The following SNED1 variants were observed in gnomAD, a reference collection of about 807,000 sequenced individuals.
SNED1 encodes sushi, nidogen and EGF like domains 1.
A neutral mutation model predicts 166.7 loss-of-function variants in SNED1; 81 were observed. That is an observed-to-expected ratio of 0.49 (90% CI 0.41 to 0.58). SNED1 has a LOEUF of 0.58. Among genes scored for constraint, SNED1 ranks in the 20% least tolerant of loss-of-function variants. The probability of loss-of-function intolerance (pLI) is 0.00; values close to 1 mark genes in which losing one functional copy is unlikely to be tolerated. For missense variants in SNED1, 1,604 were observed against 2,000.2 expected (o/e 0.80, Z 3.78); for synonymous variants, 762 against 822.0 (o/e 0.93, Z 1.25).
intron 1 of SNED1, among the ~76,000 whole-genome samples, chr2:241,003,093 G>A (rs1444960084): frequency 7.9e-5 from 12 of 151,958 alleles, no homozygotes; most frequent in Non-Finnish European, 1.0e-4. Flanking sequence ...CAGAATCCCC[G>A]CTACGCTTCC....
At chr2:241,044,158 G>A (rs62186637) in intron 8 of SNED1, among the ~76,000 whole-genome samples, 13,022 of 152,148 alleles carry the variant, frequency 0.086, 647 homozygotes, top group East Asian at 0.19. Context: ...AAAGAAGTGG[G>A]ACAAGTAAAA....
At position 241,013,584 on chromosome 2, in the gene SNED1, C is replaced by T. The variant is rs1445455961; in HGVS notation, c.213+14534C>T. Reference sequence around the variant, plus strand: ...TGAACTCCTGGCCTCAAGAGATCCTCCTGCCTCAGCCTCCCAAAGTGCTGG... The same window carrying T: ...TGAACTCCTGGCCTCAAGAGATCCTTCTGCCTCAGCCTCCCAAAGTGCTGG... On this transcript the variant is annotated intron_variant, in intron 1 of 31. Coordinates refer to ENST00000310397, the MANE Select transcript of SNED1 (RefSeq NM_001080437.3). The surrounding 1 kb of genome is among the most constrained non-coding windows in gnomAD (Gnocchi z 4.6). Among the ~76,000 whole-genome samples, 2 of 152,168 alleles carry T rather than the reference C, an allele frequency of 1.3e-5. No individual in the cohort carries two copies. Among genetic ancestry groups the T allele is most frequent in the Non-Finnish European group, 2.9e-5 (2 of 68,030 alleles).
Position 240,999,132 on chromosome 2 carries a change from G to C in SNED1, c.213+82G>C. 1.3e-6 allele frequency: 1 copy of C among 765,914 alleles called. No homozygotes were observed. The highest frequency in any genetic ancestry group is 1.7e-6 in the Non-Finnish European group (1 of 578,150). 47.4% of individuals were successfully genotyped at this position (765,914 alleles called of 1,614,324 possible). A position where few individuals can be genotyped will look rare whatever the true frequency, so the allele number is the denominator to read the frequency against. On this transcript the variant is annotated intron_variant, in intron 1 of 31. Coordinates refer to ENST00000310397, the MANE Select transcript of SNED1 (RefSeq NM_001080437.3). This position sits in a 1 kb window ranked among gnomAD's most constrained non-coding sequence, Gnocchi z 5.8. ...CGCTGCCCGCCGGGCCCGGACTCCC[G>C]CCGCCGCCGCCAGCCACTTGGCACC...
chr2:241,090,141 C>T, intron 31 of SNED1: 1 of 1,476,652 alleles, frequency 6.8e-7, no homozygotes, highest in Admixed American at 2.4e-5. Context: ...GCTTAAAATA[C>T]AAACACACTG....
At chr2:241,066,594 G>A (rs563642541) in intron 21 of SNED1, among the ~76,000 whole-genome samples, 4 of 151,442 alleles carry the variant, frequency 2.6e-5, no homozygotes, top group Admixed American at 6.6e-5. Context: ...AGGAAAAGGT[G>A]CTGAGAGCAC....
intron 16 of SNED1, among the ~76,000 whole-genome samples, chr2:241,055,919 ACTC>A (rs569415286): frequency 6.6e-5 from 10 of 152,010 alleles, no homozygotes; most frequent in Non-Finnish European, 1.5e-4. Flanking sequence ...ACCCAGCTCA[ACTC>A]CTAATGATAT....
At chr2:241,045,423 A>G (rs1011707361) in intron 8 of SNED1, among the ~76,000 whole-genome samples, 1 of 152,244 alleles carries the variant, frequency 6.6e-6, no homozygotes, top group African/African-American at 2.4e-5. Flanking sequence ...ACAGTGATCA[A>G]TTCAGTGTGA....
chr2:241,009,663 C>T (rs1282537670), intron 1 of SNED1, among the ~76,000 whole-genome samples: 1 of 152,144 alleles, frequency 6.6e-6, no homozygotes. Flanking sequence ...GGGAGCCCCT[C>T]CCTTACCCCT....
rs527997941 is a variant in SNED1 at position 241,050,041 on chromosome 2, C to T, written c.1735+108C>T. The T allele has an allele frequency of 4.7e-5, 38 of 808,572 alleles. No homozygotes were observed. In the East Asian group the frequency reaches 8.1e-4, roughly 17 times the overall value. 50.1% of individuals were successfully genotyped at this position (808,572 alleles called of 1,614,324 possible). A position where few individuals can be genotyped will look rare whatever the true frequency, so the allele number is the denominator to read the frequency against. ...TCTCCTTGTTTCGCGAATTGCTGAC[C>T]TCGTCTAGAGCCTTGCCTGATGTGC... On this transcript the variant is annotated intron_variant, in intron 12 of 31. Transcript: ENST00000310397.
At position 241,064,213 on chromosome 2, in the gene SNED1, C is replaced by T. The variant is rs1428512416; in HGVS notation, c.2599+88C>T. On this transcript the variant is annotated intron_variant, in intron 19 of 31. Transcript: ENST00000310397. The surrounding 1 kb of genome is among the most constrained non-coding windows in gnomAD (Gnocchi z 7.0). Reference sequence around the variant, plus strand: ...CTGCTGCCCGCCCTCTGCCCGCCTGCTCCCCGCCCTCTGCCCGCCTGCTCC... The same window carrying T: ...CTGCTGCCCGCCCTCTGCCCGCCTGTTCCCCGCCCTCTGCCCGCCTGCTCC... The T allele has an allele frequency of 3.3e-6, 3 of 898,432 alleles. No individual in the cohort carries two copies. The highest frequency in any genetic ancestry group is 2.6e-5 in the Admixed American group (1 of 38,212). 55.7% of individuals were successfully genotyped at this position (898,432 alleles called of 1,614,324 possible). A position where few individuals can be genotyped will look rare whatever the true frequency, so the allele number is the denominator to read the frequency against.
intron 16 of SNED1, among the ~76,000 whole-genome samples, chr2:241,058,148 A>G (rs887453720): frequency 6.6e-6 from 1 of 152,234 alleles, no homozygotes; most frequent in African/African-American, 2.4e-5. Context: ...TAGCTATATT[A>G]CTATCAGAAA....
chr2:241,084,035 T>C (rs2063459133), intron 29 of SNED1, among the ~76,000 whole-genome samples: 1 of 152,120 alleles, frequency 6.6e-6, no homozygotes, highest in African/African-American at 2.4e-5. Context: ...AGGTTTATTG[T>C]TTAGAGGTTG....
intron 1 of SNED1, among the ~76,000 whole-genome samples, chr2:241,012,182 G>A (rs531924333): frequency 1.2e-4 from 18 of 152,322 alleles, no homozygotes; most frequent in African/African-American, 4.3e-4. Context: ...CACCAGGCAG[G>A]TGGCCCAGCC....
rs2062393268 is a variant in SNED1 at position 241,065,292 on chromosome 2, C to G, written c.2714-7C>G. On this transcript the variant is annotated splice_polypyrimidine_tract_variant and splice_region_variant and intron_variant, in intron 20 of 31. Transcript: ENST00000310397. ...CCCCTCCCCTTGTTTTGACCCAAAC[C>G]CTGAAGAGCTCTTCCCACCGACGGC... 6.2e-7 allele frequency: 1 copy of G among 1,612,246 alleles called. No homozygotes were observed. Among genetic ancestry groups the G allele is most frequent in the Non-Finnish European group, 8.5e-7 (1 of 1,179,782 alleles).
rs1294156830 is a variant in SNED1, at chr2:241,064,893, G to A, written c.2649G>A (p.Leu883=). 4 of 1,584,678 alleles carry A rather than the reference G, an allele frequency of 2.5e-6. No homozygotes were observed. Among genetic ancestry groups the A allele is most frequent in the East Asian group, 2.3e-5 (1 of 43,844 alleles). ...SSPCGGRGYC[L]ASNGSHSCTC... Reference sequence around the variant, plus strand: ...CCTGTGGGGGCCGTGGCTATTGCCTGGCCAGCAACGGCTCCCACAGCTGCA... The same window carrying A: ...CCTGTGGGGGCCGTGGCTATTGCCTAGCCAGCAACGGCTCCCACAGCTGCA... Residue 883 remains leucine, a synonymous_variant, in exon 20 of 32, where the codon CTG becomes CTA. Coordinates refer to ENST00000310397, the MANE Select transcript of SNED1 (RefSeq NM_001080437.3). This position sits in a 1 kb window ranked among gnomAD's most constrained non-coding sequence, Gnocchi z 7.0.
intron 31 of SNED1, chr2:241,089,460 A>G (rs989831712): frequency 6.5e-7 from 1 of 1,537,632 alleles, no homozygotes; most frequent in Non-Finnish European, 8.8e-7. Context: ...CACCAAAGGA[A>G]GAGTGTCCAC....
In SNED1 at chr2:241,081,719, G is replaced by C. The variant is rs1231086451; in HGVS notation, c.3959G>C (p.Gly1320Ala). 2 of 1,609,622 alleles carry C rather than the reference G, an allele frequency of 1.2e-6. No individual in the cohort carries two copies. The highest frequency in any genetic ancestry group is 1.3e-5 in the African/African-American group (1 of 74,986). Reference protein sequence around the residue: ...NCSENPCQNGGTCVPGADAHS... With the variant: ...NCSENPCQNGATCVPGADAHS... Reference sequence around the variant, plus strand: ...TCAGAAAACCCCTGTCAGAACGGAGGCACTTGTGTGCCGGGCGCAGACGCC... The same window carrying C: ...TCAGAAAACCCCTGTCAGAACGGAGCCACTTGTGTGCCGGGCGCAGACGCC... Residue 1320 changes from glycine (G) to alanine (A), a missense_variant, in exon 28 of 32, where the codon GGC (glycine) becomes GCC (alanine). Gly to Ala is a moderately conservative substitution (Grantham distance 60). This residue lies in a region of SNED1 where 367 missense variants were observed against 379.4 expected (regional missense o/e 0.97). Coordinates refer to ENST00000310397, the MANE Select transcript of SNED1 (RefSeq NM_001080437.3).
intron 1 of SNED1, among the ~76,000 whole-genome samples, chr2:241,023,888 C>CTTTTTTTTTTTTTTT (rs34234341): frequency 4.3e-4 from 40 of 91,994 alleles, no homozygotes; most frequent in African/African-American, 6.6e-4. Flanking sequence ...TTTTTTTTTC[C>CTTTTTTTTTTTTTTT]TTTTTTTTTT....
At chr2:241,088,652 G>A (rs1211079340) in intron 31 of SNED1, 1 of 519,328 alleles carries the variant, frequency 1.9e-6, no homozygotes, top group East Asian at 3.1e-5. Flanking sequence ...TCTGTGGATA[G>A]GGCAAATCCC....
Sources: gnomAD v4.1 joint callset for allele counts (sites outside exome capture counted in the v4.1 genomes callset) on GRCh38, gnomAD v4.1.1 for gene constraint, gnomAD v4.1.1 regional missense constraint, Gnocchi (gnomAD v3.1) non-coding constraint, MANE v1.5 for transcripts, NCBI Gene and HGNC (gene_info 2026-07-23, HGNC 2026-07-21) for gene names.